Variants in IMPA2 observed in about 807,000 individuals in gnomAD.
The protein encoded by IMPA2 is IMP 2.
In IMPA2, 32 loss-of-function variants were observed where a neutral mutation model predicts 35.1. That is an observed-to-expected ratio of 0.91 (90% CI 0.69 to 1.23). The LOEUF (loss-of-function observed/expected upper bound fraction) is 1.23, where lower values mean the gene tolerates loss of function less well. IMPA2 is among the 50% of genes most tolerant of loss of function. The probability of loss-of-function intolerance (pLI) is 0.00; values close to 1 mark genes in which losing one functional copy is unlikely to be tolerated. For missense variants in IMPA2, 334 were observed against 387.6 expected (o/e 0.86, Z 1.16); for synonymous variants, 135 against 160.6 (o/e 0.84, Z 1.20).
At chr18:12,020,421 G>A (rs1193480946) in intron 5 of IMPA2, among the ~76,000 whole-genome samples, 5 of 152,326 alleles carry the variant, frequency 3.3e-5, no homozygotes, top group Middle Eastern at 3.4e-3. Context: ...TCGAACTCCC[G>A]ATCTCAGGTG....
At chr18:12,007,185 C>T (rs1362222844) in intron 2 of IMPA2, among the ~76,000 whole-genome samples, 3 of 152,110 alleles carry the variant, frequency 2.0e-5, no homozygotes, top group Admixed American at 6.6e-5. Context: ...CTCAGCATCT[C>T]GGTGGGAGGA....
Position 11,981,773 on chromosome 18 carries a change from C to G in IMPA2, c.96+8C>G. On this transcript the variant is annotated splice_region_variant and intron_variant, in intron 1 of 7. Coordinates refer to ENST00000269159, the MANE Select transcript of IMPA2 (RefSeq NM_014214.3). ...GCGCTGCGGGCAGGACAGGTGAGCG[C>G]CACGGCTGGGCTCGGAAGTCCGGGC... The G allele has an allele frequency of 8.2e-7, 1 of 1,224,856 alleles. No homozygotes were observed. Among genetic ancestry groups the G allele is most frequent in the Non-Finnish European group, 1.0e-6 (1 of 982,808 alleles). The allele number at this position is 1,224,856 out of a possible 1,614,324, so 75.9% of individuals were successfully genotyped here.
In IMPA2 at chr18:11,995,865, A is replaced by G. The variant is rs188264973; in HGVS notation, c.97-3189A>G. On this transcript the variant is annotated intron_variant, in intron 1 of 7. Transcript: ENST00000269159. ...ATTCAAGCAGCCCAATGTGTGTTTT[A>G]TTCATTCTTTCAAAGAACTCTGTGT... is the stretch of plus-strand genomic sequence containing the variant. Among the ~76,000 whole-genome samples, 45 of 152,298 alleles carry G rather than the reference A, an allele frequency of 3.0e-4. No individual in the cohort carries two copies. The Middle Eastern group carries it at 0.014, about 46-fold the overall frequency.
At chr18:12,012,529 G>A (rs1568034791) in intron 4 of IMPA2, among the ~76,000 whole-genome samples, 1 of 152,196 alleles carries the variant, frequency 6.6e-6, no homozygotes. Flanking sequence ...ATCTCCAGCT[G>A]ACCCCTAGAG....
chr18:12,024,090 A>T (rs970818037), intron 5 of IMPA2, among the ~76,000 whole-genome samples: 1 of 152,228 alleles, frequency 6.6e-6, no homozygotes, highest in African/African-American at 2.4e-5. Context: ...GTTCATCTTC[A>T]GGGGAATGGT....
chr18:12,019,977 G>A (rs925950122), intron 5 of IMPA2, among the ~76,000 whole-genome samples: 1 of 152,114 alleles, frequency 6.6e-6, no homozygotes, highest in African/African-American at 2.4e-5. Flanking sequence ...CCAGGTTTAA[G>A]CAATTCTCCT....
chr18:12,017,627 C>T (rs1598701845), intron 5 of IMPA2: 2 of 426,658 alleles, frequency 4.7e-6, no homozygotes, highest in Non-Finnish European at 9.3e-6. Context: ...CTCACTCTGT[C>T]ACCCAGGCTG....
intron 2 of IMPA2, among the ~76,000 whole-genome samples, chr18:12,007,602 TTC>T (rs1173678207): frequency 6.9e-6 from 1 of 144,804 alleles, no homozygotes; most frequent in Non-Finnish European, 1.5e-5. Flanking sequence ...CTTTCTTTCT[TTC>T]TCTTTCTTTC....
intron 2 of IMPA2, among the ~76,000 whole-genome samples, chr18:12,009,087 G>A (rs1353421319): frequency 6.6e-6 from 1 of 152,148 alleles, no homozygotes; most frequent in African/African-American, 2.4e-5. Flanking sequence ...ATTTGTGACT[G>A]GCCAATGTAG....
intron 5 of IMPA2, chr18:12,017,957 C>G (rs1386634632): frequency 8.6e-6 from 1 of 116,622 alleles, no homozygotes; most frequent in African/African-American, 3.8e-5. Flanking sequence ...TTTTTTTTTT[C>G]TGAGATGGAG....
chr18:12,022,609 G>C (rs115349153), intron 5 of IMPA2, among the ~76,000 whole-genome samples: 3,242 of 145,896 alleles, frequency 0.022, 121 homozygotes, highest in African/African-American at 0.072. Context: ...TAGGACAAAG[G>C]GTAATAAAAT....
Position 12,010,520 on chromosome 18 carries a change from C to T in IMPA2, c.335+533C>T, listed in dbSNP as rs1907403301. ...TCGGGGATGGTGAAGTGACAGGATG[C>T]AAAGGTGACAGGGACACGACCACAG... On this transcript the variant is annotated intron_variant, in intron 3 of 7. Coordinates refer to ENST00000269159, the MANE Select transcript of IMPA2 (RefSeq NM_014214.3). The surrounding 1 kb of genome is among the most constrained non-coding windows in gnomAD (Gnocchi z 4.8). 6.6e-6 allele frequency among the ~76,000 whole-genome samples: 1 copy of T among 152,186 alleles called. No individual in the cohort carries two copies. The highest frequency in any genetic ancestry group is 1.5e-5 in the Non-Finnish European group (1 of 68,032).
At chr18:11,996,414 G>T (rs1906959344) in intron 1 of IMPA2, among the ~76,000 whole-genome samples, 1 of 152,164 alleles carries the variant, frequency 6.6e-6, no homozygotes, top group Non-Finnish European at 1.5e-5. Context: ...CTGCGTAGAG[G>T]CTGCAAGTGT....
intron 5 of IMPA2, among the ~76,000 whole-genome samples, chr18:12,024,653 T>G (rs1344139540): frequency 2.6e-5 from 4 of 152,142 alleles, no homozygotes; most frequent in Non-Finnish European, 1.5e-5. Flanking sequence ...CAAAGTATCA[T>G]GCAAGCCATC....
intron 2 of IMPA2, among the ~76,000 whole-genome samples, chr18:12,007,353 T>G (rs983622229): frequency 4.6e-5 from 7 of 152,186 alleles, no homozygotes; most frequent in African/African-American, 1.7e-4. Flanking sequence ...TAAGCAGCCA[T>G]ATGCGGTGAC....
At position 11,981,637 on chromosome 18, in the gene IMPA2, G is replaced by A. The variant is rs991112734; in HGVS notation, c.-33G>A. 1.8e-4 allele frequency: 220 copies of A among 1,219,388 alleles called. No individual in the cohort carries two copies. The highest frequency in any genetic ancestry group is 6.3e-4 in the Middle Eastern group (2 of 3,170). The allele number at this position is 1,219,388 out of a possible 1,614,324, so 75.5% of individuals were successfully genotyped here. On this transcript the variant is annotated 5_prime_UTR_variant, in exon 1 of 8. Transcript: ENST00000269159. The stretch of plus-strand genomic sequence containing the variant: ...GTGGGAGCCGGAGTCCCGCCGAGGG[G>A]GGCTGGAGGTGGAGGGGCCCGGCGA...
At chr18:12,020,663 A>G (rs140714881) in intron 5 of IMPA2, among the ~76,000 whole-genome samples, 43 of 149,464 alleles carry the variant, frequency 2.9e-4, no homozygotes, top group African/African-American at 1.0e-3. Flanking sequence ...ATCTTATTTA[A>G]AAAAGTTTCC....
At chr18:11,982,665 G>A (rs1268583017) in intron 1 of IMPA2, among the ~76,000 whole-genome samples, 4 of 152,082 alleles carry the variant, frequency 2.6e-5, no homozygotes, top group African/African-American at 9.7e-5. Flanking sequence ...ATGGTGGCGC[G>A]TGCCTTAGTT....
chr18:12,000,490 C>T (rs537273463), intron 2 of IMPA2, among the ~76,000 whole-genome samples: 9 of 151,962 alleles, frequency 5.9e-5, no homozygotes, highest in South Asian at 2.1e-4. Flanking sequence ...GTTTGCCAGT[C>T]GCTCATGTTT....
Sources: gnomAD v4.1 joint callset for allele counts (sites outside exome capture counted in the v4.1 genomes callset) on GRCh38, gnomAD v4.1.1 for gene constraint, Gnocchi (gnomAD v3.1) non-coding constraint, MANE v1.5 for transcripts, NCBI Gene and HGNC (gene_info 2026-07-23, HGNC 2026-07-21) for gene names.